Variants in ZMIZ1 observed in about 807,000 individuals in gnomAD.
ZMIZ1 encodes zinc finger MIZ-type containing 1.
A neutral mutation model predicts 113.9 loss-of-function variants in ZMIZ1; 17 were observed. The observed-to-expected ratio is 0.15, with a 90% CI of 0.10 to 0.22. ZMIZ1 has a LOEUF of 0.22. ZMIZ1 is among the 10% of genes least tolerant of loss of function. The pLI, the probability that ZMIZ1 is intolerant of heterozygous loss-of-function variation, is 1.00. For synonymous variants in ZMIZ1, 607 were observed against 603.1 expected (o/e 1.01, Z -0.09); for missense variants, 1,059 against 1,477.8 (o/e 0.72, Z 4.65).
chr10:79,176,223 A>C (rs1846864162), intron 4 of ZMIZ1, among the ~76,000 whole-genome samples: 1 of 151,922 alleles, frequency 6.6e-6, no homozygotes, highest in Non-Finnish European at 1.5e-5. Context: ...TAGCGGGGAG[A>C]GCTCCCAGGC....
Position 79,312,622 on chromosome 10 carries a change from C to G in ZMIZ1, c.3097-20C>G. Reference sequence around the variant, plus strand: ...TCTCAGGCACACCTCATCTGAACTTCATTACTCCTTCTTTTCCAGCTCCTT... The same window carrying G: ...TCTCAGGCACACCTCATCTGAACTTGATTACTCCTTCTTTTCCAGCTCCTT... On this transcript the variant is annotated intron_variant, in intron 24 of 24. Transcript: ENST00000334512. The G allele has an allele frequency of 6.2e-7, 1 of 1,613,700 alleles. No individual in the cohort carries two copies. Among genetic ancestry groups the G allele is most frequent in the Non-Finnish European group, 8.5e-7 (1 of 1,179,586 alleles).
chr10:79,206,709 G>A (rs1390291382), intron 5 of ZMIZ1, among the ~76,000 whole-genome samples: 1 of 152,212 alleles, frequency 6.6e-6, no homozygotes, highest in Non-Finnish European at 1.5e-5. Flanking sequence ...CAGGGCCAAG[G>A]GCAGCCCCAC....
intron 18 of ZMIZ1, among the ~76,000 whole-genome samples, 182 bp downstream of exon 18, chr10:79,302,394 G>A (rs1331889896): frequency 1.3e-5 from 2 of 152,208 alleles, no homozygotes; most frequent in Non-Finnish European, 1.5e-5. Context: ...GGCTGTTGTC[G>A]TGGTCAGAGA....
At chr10:79,158,888 C>G (rs1428942135) in intron 3 of ZMIZ1, among the ~76,000 whole-genome samples, 1 of 152,254 alleles carries the variant, frequency 6.6e-6, no homozygotes, top group Non-Finnish European at 1.5e-5. Flanking sequence ...TCATGTTCTG[C>G]AAAGCAGGAG....
intron 4 of ZMIZ1, among the ~76,000 whole-genome samples, chr10:79,183,400 G>T (rs996235742): frequency 6.6e-6 from 1 of 151,780 alleles, no homozygotes; most frequent in Non-Finnish European, 1.5e-5. Context: ...ACCCATGTGT[G>T]CAGAGACACA....
intron 2 of ZMIZ1, among the ~76,000 whole-genome samples, chr10:79,138,030 C>G (rs1333962131): frequency 1.3e-5 from 2 of 152,240 alleles, no homozygotes; most frequent in Non-Finnish European, 2.9e-5. Flanking sequence ...TCTCCTTCAC[C>G]TCCTGACACC....
At chr10:79,148,238 G>A (rs1186910686) in intron 3 of ZMIZ1, among the ~76,000 whole-genome samples, 1 of 152,240 alleles carries the variant, frequency 6.6e-6, no homozygotes, top group Non-Finnish European at 1.5e-5. Flanking sequence ...CGGCCGAACT[G>A]GAATCCAGCA....
intron 16 of ZMIZ1, 125 bp downstream of exon 16, chr10:79,299,316 A>G: frequency 7.4e-7 from 1 of 1,347,038 alleles, no homozygotes; most frequent in South Asian, 1.5e-5. Context: ...TCACGTGTTC[A>G]GCATCATTGA....
chr10:79,141,151 C>T (rs1041179530), intron 3 of ZMIZ1, among the ~76,000 whole-genome samples: 9 of 152,094 alleles, frequency 5.9e-5, no homozygotes, highest in East Asian at 1.9e-4. Context: ...GGAGAGGGGA[C>T]GTGGCTGATT....
chr10:79,094,005 G>A (rs185198033), intron 1 of ZMIZ1, among the ~76,000 whole-genome samples: 73 of 152,324 alleles, frequency 4.8e-4, no homozygotes, highest in Admixed American at 4.8e-3. Flanking sequence ...AGTGAGCACT[G>A]GGTGGATTTA....
chr10:79,140,583 C>T (rs949985803), intron 3 of ZMIZ1, among the ~76,000 whole-genome samples: 2 of 152,158 alleles, frequency 1.3e-5, no homozygotes, highest in African/African-American at 4.8e-5. Context: ...ACCTGTCCAT[C>T]TCTCCATCCA....
chr10:79,175,583 C>CGT (rs757004699), intron 4 of ZMIZ1, among the ~76,000 whole-genome samples: 6,988 of 125,226 alleles, frequency 0.056, 263 homozygotes, highest in Non-Finnish European at 0.071. Flanking sequence ...GTGCACTCTG[C>CGT]GTGTGTGTGT....
chr10:79,142,166 A>G (rs1005557213), intron 3 of ZMIZ1, among the ~76,000 whole-genome samples: 10 of 152,124 alleles, frequency 6.6e-5, no homozygotes, highest in Non-Finnish European at 1.0e-4. Context: ...CGTGAAGCTG[A>G]GGAGTTCTGT....
intron 1 of ZMIZ1, among the ~76,000 whole-genome samples, chr10:79,115,475 C>T (rs1442661590): frequency 6.6e-6 from 1 of 152,184 alleles, no homozygotes; most frequent in Non-Finnish European, 1.5e-5. Context: ...GAGGTGGCTG[C>T]ATCATCCTAT....
At chr10:79,088,126 C>T (rs1219149453) in intron 1 of ZMIZ1, among the ~76,000 whole-genome samples, 1 of 152,260 alleles carries the variant, frequency 6.6e-6, no homozygotes, top group Non-Finnish European at 1.5e-5. Context: ...GCCCTTTCCC[C>T]TGCCAGCCAA....
intron 4 of ZMIZ1, among the ~76,000 whole-genome samples, chr10:79,169,448 T>A (rs889086289): frequency 6.6e-6 from 1 of 152,240 alleles, no homozygotes; most frequent in Non-Finnish European, 1.5e-5. Flanking sequence ...TATCTGTGTA[T>A]GGAAGAAATG....
chr10:79,314,329 C>T lies in ZMIZ1; in HGVS notation c.*1580C>T, dbSNP rs770706111. The T allele has an allele frequency of 2.2e-6, 1 of 447,676 alleles. No homozygotes were observed. The highest frequency in any genetic ancestry group is 4.5e-6 in the Non-Finnish European group (1 of 221,064). The allele number at this position is 447,676 out of a possible 1,614,324, so 27.7% of individuals were successfully genotyped here. On this transcript the variant is annotated 3_prime_UTR_variant, in exon 25 of 25. Transcript: ENST00000334512. ...GCCCTTCCCGGCTGCTGCCTGGGGCCCTTTCCTGCTCTCCCGTCCGCTGTG... is the reference window on the plus strand; with the variant it reads ...GCCCTTCCCGGCTGCTGCCTGGGGCTCTTTCCTGCTCTCCCGTCCGCTGTG...
chr10:79,189,149 G>A (rs1302724114), intron 4 of ZMIZ1, among the ~76,000 whole-genome samples: 1 of 152,160 alleles, frequency 6.6e-6, no homozygotes, highest in Non-Finnish European at 1.5e-5. Flanking sequence ...CTTCCCTCTG[G>A]AACATTTGTG....
chr10:79,131,164 T>C (rs900098812), intron 2 of ZMIZ1, among the ~76,000 whole-genome samples: 5 of 152,190 alleles, frequency 3.3e-5, no homozygotes, highest in Non-Finnish European at 2.9e-5. Flanking sequence ...TAAGAATTTG[T>C]TGGGTTGAAC....
Sources: gnomAD v4.1 joint callset for allele counts (sites outside exome capture counted in the v4.1 genomes callset) on GRCh38, gnomAD v4.1.1 for gene constraint, MANE v1.5 for transcripts, NCBI Gene and HGNC (gene_info 2026-07-23, HGNC 2026-07-21) for gene names.